ARL13B: variants seen among roughly 807,000 people sequenced by gnomAD.
ARL13B encodes ARF like GTPase 13B, also known as ADP-ribosylation factor-like protein 13B.
In ARL13B, 36 loss-of-function variants were observed where a neutral mutation model predicts 56.1. That is an observed-to-expected ratio of 0.64 (90% confidence interval 0.49 to 0.85). The LOEUF is 0.85. ARL13B is among the 40% of genes least tolerant of loss of function. ARL13B has a pLI of 0.00. For synonymous variants in ARL13B, 178 were observed against 171.1 expected (o/e 1.04, Z -0.32); for missense variants, 519 against 507.1 (o/e 1.02, Z -0.23).
chr3:94,003,918 G>A lies in ARL13B; in HGVS notation c.380+10G>A, dbSNP rs773010332. The A allele has an allele frequency of 1.9e-6, 3 of 1,612,932 alleles. No individual in the cohort carries two copies. Among genetic ancestry groups the A allele is most frequent in the Non-Finnish European group, 2.5e-6 (3 of 1,179,490 alleles). On this transcript the variant is annotated intron_variant, in intron 3 of 9. Transcript: ENST00000394222. ...GAAAGCCTATATTGGTGTAAGTAAT[G>A]TTAGCATCATTGTAAATGTAGGGAC... is the stretch of plus-strand genomic sequence containing the variant.
At chr3:93,983,550 G>C (rs1710314155) in intron 1 of ARL13B, among the ~76,000 whole-genome samples, 1 of 152,176 alleles carries the variant, frequency 6.6e-6, no homozygotes, top group Non-Finnish European at 1.5e-5. Context: ...CCTACCAACA[G>C]TACGTTGGAG....
chr3:94,046,426 A>T (rs2107178755), intron 7 of ARL13B, among the ~76,000 whole-genome samples: 1 of 152,192 alleles, frequency 6.6e-6, no homozygotes, highest in African/African-American at 2.4e-5. Flanking sequence ...TAATGGAATC[A>T]TATAGAATGT....
chr3:94,045,205 C>A (rs946805499), intron 7 of ARL13B, among the ~76,000 whole-genome samples: 1 of 151,992 alleles, frequency 6.6e-6, no homozygotes, highest in South Asian at 2.1e-4. Context: ...GGATTAAGGG[C>A]GGTGCAAGAT....
intron 3 of ARL13B, among the ~76,000 whole-genome samples, chr3:94,025,811 G>A (rs2076544329): frequency 6.6e-6 from 1 of 152,110 alleles, no homozygotes; most frequent in Admixed American, 6.6e-5. Context: ...AGTCAACAGA[G>A]TTATTCCTGT....
chr3:94,004,719 A>G (rs1345542261), intron 3 of ARL13B, among the ~76,000 whole-genome samples: 1 of 151,988 alleles, frequency 6.6e-6, no homozygotes, highest in African/African-American at 2.4e-5. Context: ...AACATTTTTA[A>G]ATGAGGTGGT....
At chr3:93,985,890 C>G (rs1020629908) in intron 1 of ARL13B, among the ~76,000 whole-genome samples, 5 of 152,114 alleles carry the variant, frequency 3.3e-5, no homozygotes, top group Non-Finnish European at 7.4e-5. Context: ...AAATAAGATA[C>G]AGTACACAAT....
chr3:94,036,583 A>G lies in ARL13B; in HGVS notation c.518A>G (p.Lys173Arg), dbSNP rs1348954679. 2 of 1,614,140 alleles carry G rather than the reference A, an allele frequency of 1.2e-6. No individual in the cohort carries two copies. The highest frequency in any genetic ancestry group is 1.3e-5 in the African/African-American group (1 of 75,060). ...TGTTCAGCAATCTCGGGGTATGGAA[A>G]GAAAATTGACAAGTCCATTAAAAAA... ...EPCSAISGYGKKIDKSIKKGL... is the reference protein window; with the variant it reads ...EPCSAISGYGRKIDKSIKKGL... The change falls in exon 5 of 10, where the codon AAG (lysine) becomes AGG (arginine). Residue 173 changes from lysine (K) to arginine (R), a missense_variant. Transcript: ENST00000394222.
intron 1 of ARL13B, among the ~76,000 whole-genome samples, chr3:93,986,057 A>G (rs1246725631): frequency 6.6e-6 from 1 of 152,202 alleles, no homozygotes; most frequent in Non-Finnish European, 1.5e-5. Flanking sequence ...ATTAAGCTGT[A>G]TGTACAGATT....
intron 1 of ARL13B, among the ~76,000 whole-genome samples, chr3:93,983,023 CTCT>C (rs1264867888): frequency 6.6e-6 from 1 of 152,046 alleles, no homozygotes; most frequent in Non-Finnish European, 1.5e-5. Flanking sequence ...ATTAAGATTC[CTCT>C]TCATGTTTAT....
intron 1 of ARL13B, among the ~76,000 whole-genome samples, chr3:93,994,100 A>C (rs995823364): frequency 6.6e-6 from 1 of 152,218 alleles, no homozygotes; most frequent in African/African-American, 2.4e-5. Flanking sequence ...CGTTTTACTC[A>C]TAGTAGAAGT....
At chr3:93,999,407 A>AT (rs1257813747) in intron 2 of ARL13B, among the ~76,000 whole-genome samples, 1 of 151,962 alleles carries the variant, frequency 6.6e-6, no homozygotes, top group East Asian at 1.9e-4. Flanking sequence ...TGCCTAGCTA[A>AT]TTTTTTTATT....
At chr3:94,002,351 G>A (rs979811534) in intron 2 of ARL13B, among the ~76,000 whole-genome samples, 2 of 152,262 alleles carry the variant, frequency 1.3e-5, no homozygotes, top group South Asian at 2.1e-4. Flanking sequence ...TCAGGCCTGA[G>A]CCACTGTACC....
At chr3:93,995,824 C>G (rs368318573) in intron 1 of ARL13B, 50 bp from the exon 2 acceptor site, 3 of 1,495,950 alleles carry the variant, frequency 2.0e-6, no homozygotes, top group Admixed American at 1.8e-5. Flanking sequence ...TATTTTTCCT[C>G]AATACTAAAT....
chr3:93,987,563 TTTTA>T lies in ARL13B; in HGVS notation c.59+7085_59+7088del, dbSNP rs199654188. 3.0e-4 allele frequency among the ~76,000 whole-genome samples: 45 copies of T among 152,322 alleles called. No individual in the cohort carries two copies. The East Asian group carries it at 8.7e-3, about 29-fold the overall frequency. On this transcript the variant is annotated intron_variant, in intron 1 of 9. Coordinates refer to ENST00000394222, the MANE Select transcript of ARL13B (RefSeq NM_001174150.2). ...TCAGTTTTTTCTTTTGTAATGGAGA[TTTTA>T]TTTGTCGTGTTGAGAATAAGTATAC...
Position 94,054,822 on chromosome 3 carries a change from C to A in ARL13B, c.*1559C>A. 2.7e-6 allele frequency: 1 copy of A among 372,544 alleles called. No homozygotes were observed. Among genetic ancestry groups the A allele is most frequent in the Non-Finnish European group, 5.3e-6 (1 of 189,536 alleles). 23.1% of individuals were successfully genotyped at this position (372,544 alleles called of 1,614,324 possible). On this transcript the variant is annotated 3_prime_UTR_variant, in exon 10 of 10. Transcript: ENST00000394222. Reference sequence around the variant, plus strand: ...TTTCAGATCTAAAATTCGTAACAACCTAAATTTGAGAGGTGGCTGAAATGT... The same window carrying A: ...TTTCAGATCTAAAATTCGTAACAACATAAATTTGAGAGGTGGCTGAAATGT...
intron 5 of ARL13B, among the ~76,000 whole-genome samples, chr3:94,037,576 A>G (rs2076790935): frequency 6.6e-6 from 1 of 152,188 alleles, no homozygotes; most frequent in South Asian, 2.1e-4. Flanking sequence ...ATTAGAGTGA[A>G]TGATTTTGGC....
intron 2 of ARL13B, among the ~76,000 whole-genome samples, chr3:93,997,522 ATCT>A (rs1291919452): frequency 5.3e-5 from 8 of 152,206 alleles, no homozygotes; most frequent in Non-Finnish European, 1.0e-4. Flanking sequence ...TGTCTATGCT[ATCT>A]TCTACGTTAT....
At chr3:94,052,776 A>G (rs1419634256) in intron 9 of ARL13B, among the ~76,000 whole-genome samples, 1 of 152,186 alleles carries the variant, frequency 6.6e-6, no homozygotes. Flanking sequence ...TTTTGTTGCA[A>G]TGTAAAGTAC....
intron 3 of ARL13B, among the ~76,000 whole-genome samples, chr3:94,020,372 G>A (rs2076422119): frequency 6.6e-6 from 1 of 152,188 alleles, no homozygotes. Context: ...ATTGAACCAT[G>A]TTGTCAGCTA....
Sources: allele counts gnomAD v4.1 joint callset (sites outside exome capture counted in the v4.1 genomes callset), GRCh38; gene constraint gnomAD v4.1.1; transcripts MANE v1.5; gene names NCBI Gene and HGNC (gene_info 2026-07-23, HGNC 2026-07-21).